The following SDK1 variants were observed in gnomAD, a reference collection of about 807,000 sequenced individuals.
SDK1 encodes the protein protein sidekick-1.
A neutral mutation model predicts 245.5 loss-of-function variants in SDK1; 157 were observed. The observed-to-expected ratio is 0.64, with a 90% CI of 0.56 to 0.73. SDK1 has a LOEUF of 0.73. Ranked by LOEUF, SDK1 falls within the 30% of genes least tolerant of loss-of-function variation. The probability of loss-of-function intolerance (pLI) is 0.00; values close to 1 mark genes in which losing one functional copy is unlikely to be tolerated. For missense variants in SDK1, 3,583 were observed against 3,002.3 expected (o/e 1.19, Z -4.52); for synonymous variants, 1,647 against 1,278.5 (o/e 1.29, Z -6.15).
At chr7:4,230,521 T>C (rs751533991) in intron 40 of SDK1, among the ~76,000 whole-genome samples, 33 of 145,660 alleles carry the variant, frequency 2.3e-4, no homozygotes, top group Non-Finnish European at 4.4e-4. Context: ...GTTACATGGA[T>C]GAATGGAAGG....
chr7:4,195,402 C>A lies in SDK1; in HGVS notation c.5099-10477C>A, dbSNP rs547693013. On this transcript the variant is annotated intron_variant, in intron 35 of 44. Coordinates refer to ENST00000404826, the MANE Select transcript of SDK1 (RefSeq NM_152744.4). ...CCCTGGCTGCTGCAGCTCCGCTTCT[C>A]TCTGGGGTTTCTTGGGGCTCAGCTT... Among the ~76,000 whole-genome samples the A allele has an allele frequency of 1.1e-3, 167 of 152,302 alleles. 1 individual carries two copies. The highest frequency in any genetic ancestry group is 3.8e-3 in the African/African-American group (158 of 41,570).
At chr7:3,483,932 C>G (rs553077223) in intron 1 of SDK1, among the ~76,000 whole-genome samples, 2 of 152,152 alleles carry the variant, frequency 1.3e-5, no homozygotes, top group African/African-American at 4.8e-5. Context: ...TAGTTTTTAA[C>G]TAATACATAA....
At chr7:4,188,798 C>G (rs902823635) in intron 35 of SDK1, among the ~76,000 whole-genome samples, 3 of 151,992 alleles carry the variant, frequency 2.0e-5, no homozygotes, top group African/African-American at 7.2e-5. Context: ...TTTTTTCCCC[C>G]GAAACCATCT....
At chr7:3,425,973 G>A (rs1240248205) in intron 1 of SDK1, among the ~76,000 whole-genome samples, 2 of 152,176 alleles carry the variant, frequency 1.3e-5, no homozygotes, top group Admixed American at 6.5e-5. Context: ...CTTCTCAAAA[G>A]ATTTTTAATC....
chr7:3,570,449 G>T (rs1780074513), intron 1 of SDK1, among the ~76,000 whole-genome samples: 1 of 152,052 alleles, frequency 6.6e-6, no homozygotes, highest in African/African-American at 2.4e-5. Flanking sequence ...TTCCTAACAG[G>T]CTATGGACGG....
chr7:3,748,623 T>C (rs755934298), intron 4 of SDK1, among the ~76,000 whole-genome samples: 1 of 152,208 alleles, frequency 6.6e-6, no homozygotes, highest in Non-Finnish European at 1.5e-5. Flanking sequence ...GGGCAGTTGC[T>C]TTAGAAATTC....
At chr7:4,080,742 G>C (rs1426153845) in intron 22 of SDK1, among the ~76,000 whole-genome samples, 1 of 152,030 alleles carries the variant, frequency 6.6e-6, no homozygotes, top group East Asian at 1.9e-4. Flanking sequence ...AGCATTGGGA[G>C]ATACACCTAA....
chr7:3,510,929 T>A (rs1179960730), intron 1 of SDK1, among the ~76,000 whole-genome samples: 1 of 152,170 alleles, frequency 6.6e-6, no homozygotes, highest in African/African-American at 2.4e-5. Context: ...TTGATTTCCT[T>A]CCGTGGGAAG....
intron 4 of SDK1, among the ~76,000 whole-genome samples, chr7:3,690,617 C>T (rs1784415229): frequency 6.6e-6 from 1 of 152,122 alleles, no homozygotes; most frequent in Non-Finnish European, 1.5e-5. Flanking sequence ...ATAGCTTTTA[C>T]AGATAAGTCA....
intron 4 of SDK1, among the ~76,000 whole-genome samples, chr7:3,691,270 A>G (rs1300968110): frequency 7.9e-5 from 12 of 152,240 alleles, no homozygotes; most frequent in Non-Finnish European, 1.5e-4. Context: ...ACCACAGAGT[A>G]AAAAATGCCA....
chr7:3,661,956 G>T (rs964712271), intron 4 of SDK1, among the ~76,000 whole-genome samples: 3 of 151,484 alleles, frequency 2.0e-5, no homozygotes, highest in Admixed American at 2.0e-4. Flanking sequence ...TAGTAAGACC[G>T]TTATTACCAT....
At chr7:3,789,494 A>G (rs1222266160) in intron 4 of SDK1, among the ~76,000 whole-genome samples, 2 of 152,234 alleles carry the variant, frequency 1.3e-5, no homozygotes, top group African/African-American at 4.8e-5. Context: ...GTTCCTAAGC[A>G]ACCCTTCTTA....
At chr7:3,450,378 C>G (rs1188599788) in intron 1 of SDK1, among the ~76,000 whole-genome samples, 2 of 152,060 alleles carry the variant, frequency 1.3e-5, no homozygotes, top group Admixed American at 6.6e-5. Context: ...AGCCCAGGAT[C>G]TTGAAGATGA....
intron 5 of SDK1, among the ~76,000 whole-genome samples, chr7:3,867,549 C>G (rs1303160921): frequency 6.6e-6 from 1 of 152,112 alleles, no homozygotes; most frequent in African/African-American, 2.4e-5. Flanking sequence ...TGGCTGCAGG[C>G]AAAGAGAGAG....
intron 1 of SDK1, among the ~76,000 whole-genome samples, chr7:3,564,473 A>AGG (rs1278407525): frequency 6.6e-6 from 1 of 152,090 alleles, no homozygotes; most frequent in Non-Finnish European, 1.5e-5. Context: ...TGGGTGACAG[A>AGG]GGGAGACTCT....
At chr7:3,441,899 G>C (rs1780206821) in intron 1 of SDK1, among the ~76,000 whole-genome samples, 1 of 152,122 alleles carries the variant, frequency 6.6e-6, no homozygotes, top group Admixed American at 6.5e-5. Flanking sequence ...CAGAACACTG[G>C]GAATTGGTCT....
At chr7:3,325,633 G>C (rs138865190) in intron 1 of SDK1, among the ~76,000 whole-genome samples, 1 of 151,856 alleles carries the variant, frequency 6.6e-6, no homozygotes, top group Non-Finnish European at 1.5e-5. Context: ...AAGATTAAAG[G>C]GTGTATCAAC....
intron 28 of SDK1, 105 bp from the exon 29 acceptor site, chr7:4,145,617 A>C: frequency 2.2e-5 from 21 of 961,772 alleles, no homozygotes; most frequent in South Asian, 3.3e-5. Context: ...GAGACGGGGA[A>C]GAGACAGATG....
chr7:4,236,974 G>A lies in SDK1; in HGVS notation c.5993-673G>A, dbSNP rs548737989. Among the ~76,000 whole-genome samples the A allele has an allele frequency of 1.6e-3, 249 of 152,154 alleles. 2 individuals carry two copies. Among genetic ancestry groups the A allele is most frequent in the African/African-American group, 5.7e-3 (236 of 41,520 alleles). On this transcript the variant is annotated intron_variant, in intron 41 of 44. Transcript: ENST00000404826. Reference sequence around the variant, plus strand: ...CAGGCTGGAGTGCAGTGCTGTGATCGTGGCTCACTACAGCCTCGACCTCCT... The same window carrying A: ...CAGGCTGGAGTGCAGTGCTGTGATCATGGCTCACTACAGCCTCGACCTCCT...
Sources: allele counts gnomAD v4.1 joint callset (sites outside exome capture counted in the v4.1 genomes callset), GRCh38; gene constraint gnomAD v4.1.1; transcripts MANE v1.5; gene names NCBI Gene and HGNC (gene_info 2026-07-23, HGNC 2026-07-21).